The following DPY19L3 variants were observed in gnomAD, a reference collection of about 807,000 sequenced individuals.
DPY19L3 encodes the protein protein C-mannosyl-transferase DPY19L3.
A neutral mutation model predicts 92.3 loss-of-function variants in DPY19L3; 51 were observed. That is an observed-to-expected ratio of 0.55 (90% CI 0.44 to 0.70). The LOEUF (loss-of-function observed/expected upper bound fraction) is 0.70, where lower values mean the gene tolerates loss of function less well. Ranked by LOEUF, DPY19L3 falls within the 30% of genes least tolerant of loss-of-function variation. The pLI is 0.00. For missense variants in DPY19L3, 706 were observed against 855.9 expected, an observed-to-expected ratio of 0.82 and a Z score of 2.18; for synonymous variants, 309 against 315.2, an observed-to-expected ratio of 0.98 and a Z score of 0.21.
At chr19:32,460,383 C>A (rs1051699249) in intron 12 of DPY19L3, among the ~76,000 whole-genome samples, 2 of 152,068 alleles carry the variant, frequency 1.3e-5, no homozygotes, top group African/African-American at 4.8e-5. Context: ...TGCACTCTAC[C>A]CTGGGTAACA....
At chr19:32,468,480 T>A in intron 15 of DPY19L3, 1 of 1,148,604 alleles carries the variant, frequency 8.7e-7, no homozygotes, top group Non-Finnish European at 1.1e-6. Flanking sequence ...AATAAAAAGC[T>A]CATTTTTTAA....
chr19:32,449,000 T>C (rs549202980), intron 8 of DPY19L3, among the ~76,000 whole-genome samples: 1 of 152,218 alleles, frequency 6.6e-6, no homozygotes, highest in African/African-American at 2.4e-5. Context: ...TCACTTGATA[T>C]AAAAAGAACT....
chr19:32,450,067 A>G (rs1969648958), intron 8 of DPY19L3, among the ~76,000 whole-genome samples: 1 of 152,200 alleles, frequency 6.6e-6, no homozygotes, highest in South Asian at 2.1e-4. Flanking sequence ...CAATGATAAA[A>G]TAGCAAAGGA....
At chr19:32,409,340 T>C (rs1035850870) in intron 2 of DPY19L3, among the ~76,000 whole-genome samples, 2 of 152,238 alleles carry the variant, frequency 1.3e-5, no homozygotes, top group Non-Finnish European at 2.9e-5. Flanking sequence ...TTTTCTCTTA[T>C]TATGTTATGA....
chr19:32,430,089 A>G (rs923062373), intron 3 of DPY19L3, among the ~76,000 whole-genome samples: 2 of 152,186 alleles, frequency 1.3e-5, no homozygotes, highest in South Asian at 4.1e-4. Context: ...CAAGTGTGTT[A>G]TTGAAATTAA....
intron 10 of DPY19L3, among the ~76,000 whole-genome samples, chr19:32,455,422 C>T (rs1969836220): frequency 6.6e-6 from 1 of 152,124 alleles, no homozygotes; most frequent in African/African-American, 2.4e-5. Context: ...ACTCTTATGT[C>T]CCACCTTGAA....
chr19:32,465,216 TAAAC>T (rs1296144419), intron 15 of DPY19L3, among the ~76,000 whole-genome samples: 1 of 152,240 alleles, frequency 6.6e-6, no homozygotes, highest in East Asian at 1.9e-4. Flanking sequence ...GACACATAAA[TAAAC>T]ACAGCCTAAG....
chr19:32,480,870 A>T, intron 18 of DPY19L3: 3 of 467,658 alleles, frequency 6.4e-6, no homozygotes, highest in Non-Finnish European at 1.1e-5. Flanking sequence ...TTTTGCTGCT[A>T]TAAACAAAAC....
intron 17 of DPY19L3, among the ~76,000 whole-genome samples, 167 bp from the exon 18 acceptor site, chr19:32,480,232 G>A (rs576458695): frequency 3.3e-5 from 5 of 152,280 alleles, no homozygotes; most frequent in East Asian, 3.9e-4. Context: ...GAACTTCCAC[G>A]CACACACTCC....
intron 8 of DPY19L3, among the ~76,000 whole-genome samples, chr19:32,441,952 A>G (rs1196268369): frequency 6.6e-6 from 1 of 152,222 alleles, no homozygotes; most frequent in Non-Finnish European, 1.5e-5. Context: ...AAGTAGTTTT[A>G]AGTATCAGAC....
intron 3 of DPY19L3, among the ~76,000 whole-genome samples, chr19:32,431,632 G>T (rs1968971605): frequency 6.6e-6 from 1 of 152,126 alleles, no homozygotes; most frequent in African/African-American, 2.4e-5. Flanking sequence ...ATAGGATTCA[G>T]GTGTAAAGAT....
intron 3 of DPY19L3, among the ~76,000 whole-genome samples, chr19:32,422,640 A>G (rs2145435706): frequency 6.6e-6 from 1 of 151,536 alleles, no homozygotes; most frequent in East Asian, 1.9e-4. Flanking sequence ...ACACACACAC[A>G]CACACACACA....
chr19:32,424,954 G>A (rs1464549492), intron 3 of DPY19L3, among the ~76,000 whole-genome samples: 3 of 152,148 alleles, frequency 2.0e-5, no homozygotes, highest in Non-Finnish European at 4.4e-5. Flanking sequence ...TTTCAGCAGG[G>A]CACCAGGAAG....
At chr19:32,411,456 C>A in intron 3 of DPY19L3, 84 bp downstream of exon 3, 1 of 1,457,184 alleles carries the variant, frequency 6.9e-7, no homozygotes, top group Non-Finnish European at 9.5e-7. Flanking sequence ...CAAGGCAACA[C>A]AGTTTTGCCA....
intron 12 of DPY19L3, among the ~76,000 whole-genome samples, chr19:32,460,849 T>G (rs1446868013): frequency 1.0e-5 from 1 of 97,798 alleles, no homozygotes; most frequent in Non-Finnish European, 2.7e-5. Context: ...TATGACTTGT[T>G]TTGTTTTGTT....
In DPY19L3 at chr19:32,439,233, GAAGT is replaced by G. The variant is rs1337543320; in HGVS notation, c.720+3_720+6del. ...GAGACCAAACTTACAGCCTCTTTCT[GAAGT>G]AAGTGTTTATAAAATTTCATATATT... On this transcript the variant is annotated splice_donor_variant and coding_sequence_variant, in exon 7 of 19. Coordinates refer to ENST00000392250, the MANE Select transcript of DPY19L3 (RefSeq NM_001172774.2). LOFTEE classifies it high-confidence loss of function. The G allele has an allele frequency of 7.5e-6, 12 of 1,605,222 alleles. No individual in the cohort carries two copies. Among genetic ancestry groups the G allele is most frequent in the Non-Finnish European group, 9.3e-6 (11 of 1,177,334 alleles).
chr19:32,482,260 T>G lies in DPY19L3; in HGVS notation c.*20T>G. The G allele has an allele frequency of 3.7e-6, 6 of 1,600,332 alleles. No homozygotes were observed. Among genetic ancestry groups the G allele is most frequent in the Non-Finnish European group, 5.1e-6 (6 of 1,175,208 alleles). ...AAGTAGCGCAGATTTCTGCCCAGTGTCTATTTTTGATACGGAGAAACTGCA... is the reference window on the plus strand; with the variant it reads ...AAGTAGCGCAGATTTCTGCCCAGTGGCTATTTTTGATACGGAGAAACTGCA... On this transcript the variant is annotated 3_prime_UTR_variant, in exon 19 of 19. Coordinates refer to ENST00000392250, the MANE Select transcript of DPY19L3 (RefSeq NM_001172774.2).
chr19:32,455,059 C>A lies in DPY19L3; in HGVS notation c.1089+19C>A. 1 of 1,403,474 alleles carries A rather than the reference C, an allele frequency of 7.1e-7. No homozygotes were observed. The highest frequency in any genetic ancestry group is 9.7e-7 in the Non-Finnish European group (1 of 1,029,796). 86.9% of individuals were successfully genotyped at this position (1,403,474 alleles called of 1,614,324 possible). On this transcript the variant is annotated intron_variant, in intron 10 of 18. Transcript: ENST00000392250. ...AATTAAGGTAAGTTAATAAAAATGA[C>A]ATGTTTAATGTATTTTTAATTAACT...
At chr19:32,419,016 T>C (rs569357931) in intron 3 of DPY19L3, among the ~76,000 whole-genome samples, 2 of 152,258 alleles carry the variant, frequency 1.3e-5, no homozygotes, top group South Asian at 4.1e-4. Context: ...AATTTTAAGT[T>C]ATTTTTCTAT....
Sources: gnomAD v4.1 joint callset for allele counts (sites outside exome capture counted in the v4.1 genomes callset) on GRCh38, gnomAD v4.1.1 for gene constraint, MANE v1.5 for transcripts, NCBI Gene and HGNC (gene_info 2026-07-23, HGNC 2026-07-21) for gene names.